NUP98: variants seen among roughly 807,000 people sequenced by gnomAD.
The protein encoded by NUP98 is nucleoporin 98 and 96 precursor, also known as nuclear pore complex protein Nup98-Nup96.
Under a neutral mutation model 191.9 loss-of-function variants are expected in NUP98, and 26 were observed. The observed-to-expected ratio is 0.14, with a 90% CI of 0.10 to 0.19. The LOEUF (loss-of-function observed/expected upper bound fraction) is 0.19, where lower values mean the gene tolerates loss of function less well. NUP98 is among the 10% of genes least tolerant of loss of function. The probability of loss-of-function intolerance (pLI) is 1.00; values close to 1 mark genes in which losing one functional copy is unlikely to be tolerated. For synonymous variants in NUP98, 808 were observed against 778.4 expected, an observed-to-expected ratio of 1.04 and a Z score of -0.63; for missense variants, 1,941 against 2,178.8, an observed-to-expected ratio of 0.89 and a Z score of 2.17.
At position 3,786,784 on chromosome 11, in the gene NUP98, G is replaced by C. The variant is rs115858986; in HGVS notation, c.-28-4639C>G. Among the ~76,000 whole-genome samples, 1,408 of 152,320 alleles carry C rather than the reference G, an allele frequency of 9.2e-3. 19 individuals carry two copies. Among genetic ancestry groups the C allele is most frequent in the African/African-American group, 0.032 (1,351 of 41,570 alleles). ...TACCCAGAAAAGTAGTGGATATCCT[G>C]AAATGTGGTCAAAACGTTTACAACT... On this transcript the variant is annotated intron_variant, in intron 1 of 32. Transcript: ENST00000324932.
At chr11:3,747,884 C>A (rs1034690944) in intron 11 of NUP98, among the ~76,000 whole-genome samples, 7 of 152,204 alleles carry the variant, frequency 4.6e-5, no homozygotes, top group African/African-American at 1.4e-4. Flanking sequence ...TCCTCCCAAA[C>A]CCAAGGGCCT....
intron 28 of NUP98, among the ~76,000 whole-genome samples, chr11:3,690,581 T>C (rs978116124): frequency 1.3e-5 from 2 of 152,138 alleles, no homozygotes; most frequent in African/African-American, 4.8e-5. Context: ...TTAATAAACA[T>C]GTACACACAG....
intron 28 of NUP98, among the ~76,000 whole-genome samples, chr11:3,689,940 ATTTTTTTTT>A (rs989043726): frequency 5.4e-5 from 4 of 73,574 alleles, no homozygotes; most frequent in Non-Finnish European, 7.7e-5. Context: ...GCTGGCCTGC[ATTTTTTTTT>A]TTTTTTTTTT....
chr11:3,726,880 G>C (rs1057237167), intron 14 of NUP98, among the ~76,000 whole-genome samples: 4 of 151,376 alleles, frequency 2.6e-5, no homozygotes, highest in Non-Finnish European at 4.4e-5. Flanking sequence ...TCCCACCTCA[G>C]CCTCCCAAAT....
chr11:3,741,320 C>T (rs1042156164), intron 12 of NUP98, among the ~76,000 whole-genome samples: 2 of 91,170 alleles, frequency 2.2e-5, no homozygotes, highest in Non-Finnish European at 4.2e-5. Context: ...ATGAATTCTT[C>T]CAAATTAAAA....
intron 1 of NUP98, among the ~76,000 whole-genome samples, chr11:3,793,763 G>A (rs887866021): frequency 1.8e-4 from 27 of 151,924 alleles, no homozygotes; most frequent in Non-Finnish European, 2.9e-4. Flanking sequence ...TTGAGGTCAC[G>A]AGTTCCAGAT....
chr11:3,693,175 T>A, intron 27 of NUP98, 57 bp downstream of exon 27: 1 of 1,578,850 alleles, frequency 6.3e-7, no homozygotes, highest in Non-Finnish European at 8.7e-7. Flanking sequence ...CCGCTTCAAT[T>A]TGACAATACT....
chr11:3,683,492 G>C (rs1334951227), intron 29 of NUP98, 51 bp from the exon 30 acceptor site: 1 of 1,600,878 alleles, frequency 6.2e-7, no homozygotes, highest in South Asian at 1.1e-5. Context: ...CATGGAGAAG[G>C]CTGCCCCAGG....
Position 3,683,395 on chromosome 11 carries a change from G to T in NUP98, c.4723C>A (p.Leu1575Met), listed in dbSNP as rs149768748. 5 of 1,614,080 alleles carry T rather than the reference G, an allele frequency of 3.1e-6. No individual in the cohort carries two copies. In the African/African-American group the frequency reaches 6.7e-5, roughly 22 times the overall value. The change falls in exon 30 of 33, where the codon CTG (leucine) becomes ATG (methionine). Residue 1575 changes from leucine to methionine, a missense_variant. Transcript: ENST00000324932. ...GCCCAAGATTCAGGGGTCTCCAACA[G>T]CTGGCAGTGCCGGGTAAGCAGCTCT... is the stretch of plus-strand genomic sequence containing the variant. ...VRELLTRHCQ[L>M]LETPESWAKE...
chr11:3,749,771 G>T (rs145113167), intron 11 of NUP98, among the ~76,000 whole-genome samples: 1 of 151,642 alleles, frequency 6.6e-6, no homozygotes, highest in Non-Finnish European at 1.5e-5. Context: ...ACCTTTGCCA[G>T]TAATCAGTGA....
intron 1 of NUP98, among the ~76,000 whole-genome samples, chr11:3,784,579 T>TAAA (rs61334985): frequency 7.8e-5 from 7 of 89,370 alleles, no homozygotes; most frequent in African/African-American, 2.7e-4. Context: ...CTGTCTCTAT[T>TAAA]AAAAACAAAA....
chr11:3,711,498 T>C (rs1035236902), intron 20 of NUP98: 2 of 152,800 alleles, frequency 1.3e-5, no homozygotes, highest in Non-Finnish European at 1.5e-5. Context: ...GGAAAGAGGT[T>C]ATCTTTAAGA....
chr11:3,762,998 A>C lies in NUP98; in HGVS notation c.990T>G (p.Leu330=), dbSNP rs2081223706. ...GVTQASQPGG[L]FGTATNTSTG... ...TGCTGGTGTTTGTAGCTGTCCCAAAAAGACCTCCAGGCTGTGAGGCTTGGG... is the reference window on the plus strand; with the variant it reads ...TGCTGGTGTTTGTAGCTGTCCCAAACAGACCTCCAGGCTGTGAGGCTTGGG... Residue 330 remains leucine, a synonymous_variant, in exon 9 of 33, where the codon CTT becomes CTG. Transcript: ENST00000324932. 6.2e-7 allele frequency: 1 copy of C among 1,614,044 alleles called. No homozygotes were observed. Among genetic ancestry groups the C allele is most frequent in the Admixed American group, 1.7e-5 (1 of 60,004 alleles).
At chr11:3,698,284 C>T (rs182776899) in intron 25 of NUP98, among the ~76,000 whole-genome samples, 29 of 152,224 alleles carry the variant, frequency 1.9e-4, no homozygotes, top group African/African-American at 7.0e-4. Context: ...ACAAATTGCA[C>T]ATTAAAATGT....
At position 3,757,214 on chromosome 11, in the gene NUP98, C is replaced by T. The variant is rs576202771; in HGVS notation, c.1174+3325G>A. 1.4e-4 allele frequency among the ~76,000 whole-genome samples: 22 copies of T among 151,852 alleles called. No homozygotes were observed. In the South Asian group the frequency reaches 3.1e-3, roughly 22 times the overall value. On this transcript the variant is annotated intron_variant, in intron 10 of 32. Transcript: ENST00000324932. ...GTTCAGATAAAAATAACGGGCTGGG[C>T]GCAGTGGCTCATGCCTGTAATCCCA...
chr11:3,693,360 C>T lies in NUP98; in HGVS notation c.4183G>A (p.Glu1395Lys). Residue 1395 changes from glutamate to lysine, a missense_variant, in exon 27 of 33, where the codon GAA (glutamate) becomes AAA (lysine). Around this residue, in one of 6 missense-constraint regions of NUP98, gnomAD observed 1,030 missense variants for 1,115.8 expected, o/e 0.92. Transcript: ENST00000324932. ...GAGCACACGTTTATTTGCTTCTTTT[C>T]TGAGAGCTGCCACACCTGTGCGAAA... ...LAGKPVWQLS[E>K]KKQINVCSQL... is the part of the protein sequence containing the mutation. 6.2e-7 allele frequency: 1 copy of T among 1,614,170 alleles called. No homozygotes were observed. The highest frequency in any genetic ancestry group is 8.5e-7 in the Non-Finnish European group (1 of 1,180,020).
chr11:3,708,616 C>T (rs2078935442), intron 20 of NUP98, among the ~76,000 whole-genome samples: 1 of 151,192 alleles, frequency 6.6e-6, no homozygotes. Flanking sequence ...TGAAGTATAT[C>T]TAAGTAACTG....
chr11:3,742,512 C>A (rs748483708), intron 12 of NUP98, among the ~76,000 whole-genome samples: 18 of 151,744 alleles, frequency 1.2e-4, no homozygotes, highest in Admixed American at 5.9e-4. Context: ...ACCAGCCTGG[C>A]CAACATGGTA....
intron 23 of NUP98, among the ~76,000 whole-genome samples, 154 bp downstream of exon 23, chr11:3,702,309 A>ACT (rs2078714913): frequency 1.9e-5 from 1 of 53,766 alleles, no homozygotes; most frequent in Non-Finnish European, 3.8e-5. Flanking sequence ...ACACACACAC[A>ACT]CACACTCTCT....
Sources: gnomAD v4.1 joint callset for allele counts (sites outside exome capture counted in the v4.1 genomes callset) on GRCh38, gnomAD v4.1.1 for gene constraint, gnomAD v4.1.1 regional missense constraint, MANE v1.5 for transcripts, NCBI Gene and HGNC (gene_info 2026-07-23, HGNC 2026-07-21) for gene names.